Variants in OR2T35 observed in about 807,000 individuals in gnomAD.
OR2T35 encodes the protein olfactory receptor family 2 subfamily T member 35 (gene/pseudogene).
For synonymous variants in OR2T35, 18 were observed against 110.2 expected (o/e 0.16, Z 5.24); for missense variants, 47 against 278.8 (o/e 0.17, Z 5.92).
Position 248,644,792 on chromosome 1 carries a change from TTTC to T in OR2T35, c.-23+452_-23+454del, listed in dbSNP as rs1260553688. Among the ~76,000 whole-genome samples, 37 of 140,078 alleles carry T rather than the reference TTTC, an allele frequency of 2.6e-4. 2 individuals are homozygous for T. Among genetic ancestry groups the T allele is most frequent in the South Asian group, 2.2e-3 (10 of 4,542 alleles). The allele number at this position is 140,078 out of a possible 152,430, so 91.9% of individuals were successfully genotyped here. On this transcript the variant is annotated intron_variant, in intron 1 of 1. Transcript: ENST00000641268. ...CAGTGGGCTTTGGCCAGGAACTCCTTTTCTTCTTCTACCTACACAAGCTACTCC... is the reference window on the plus strand; with the variant it reads ...CAGTGGGCTTTGGCCAGGAACTCCTTTTCTTCTACCTACACAAGCTACTCC...
At chr1:248,639,304 C>T in intron 1 of OR2T35, 24 bp from the exon 2 acceptor site, 1 of 362,160 alleles carries the variant, frequency 2.8e-6, no homozygotes, top group East Asian at 4.4e-5. Flanking sequence ...AATCTGGCAG[C>T]TTATTTAACG....
In OR2T35 at chr1:248,644,997, CCT is replaced by C. The variant is rs1491453328; in HGVS notation, c.-23+248_-23+249del. Among the ~76,000 whole-genome samples, 45 of 11,824 alleles carry C rather than the reference CCT, an allele frequency of 3.8e-3. No homozygotes were observed. The Middle Eastern group carries it at 0.12, about 33-fold the overall frequency. The allele number at this position is 11,824 out of a possible 152,430, so 7.8% of individuals were successfully genotyped here. ...CTTAGTTACCACCCCCCTTTATCTG[CCT>C]ATTTAAATGGTAACTGTTTTCATTC... On this transcript the variant is annotated intron_variant, in intron 1 of 1. Transcript: ENST00000641268.
chr1:248,642,043 C>T (rs557349199), intron 1 of OR2T35, among the ~76,000 whole-genome samples: 14 of 69,804 alleles, frequency 2.0e-4, no homozygotes, highest in African/African-American at 4.5e-4. Context: ...ACATCGGTTC[C>T]GAGCATCTAC....
chr1:248,642,260 A>G (rs1660797493), intron 1 of OR2T35, among the ~76,000 whole-genome samples: 1 of 127,910 alleles, frequency 7.8e-6, no homozygotes, highest in South Asian at 2.7e-4. Context: ...AAAAGCTTTT[A>G]TTTGCGTGAT....
intron 1 of OR2T35, among the ~76,000 whole-genome samples, chr1:248,642,229 A>AAAAG (rs1553273941): frequency 1.5e-3 from 95 of 62,990 alleles, no homozygotes; most frequent in African/African-American, 2.7e-3. Context: ...AAAAAAAAAA[A>AAAAG]AAAAAAGAAA....
intron 1 of OR2T35, among the ~76,000 whole-genome samples, chr1:248,641,606 C>T (rs1333011146): frequency 1.2e-5 from 1 of 81,620 alleles, no homozygotes; most frequent in Admixed American, 1.5e-4. Context: ...TCTTATCTTA[C>T]TGTAGGATCC....
In OR2T35 at chr1:248,638,359, A is replaced by G; in HGVS notation, c.900T>C (p.Ala300=). ...CACATCTCCCTAGTACTTTCCTCAG[A>G]GCTGCAGCCACATCTTTATTCCTCA... is the stretch of plus-strand genomic sequence containing the variant. ...YSLRNKDVAA[A]LRKVLGRCGS... is the part of the protein sequence containing the mutation. Residue 300 remains alanine, a synonymous_variant, in exon 2 of 2, where the codon GCT becomes GCC. Coordinates refer to ENST00000641268, the MANE Select transcript of OR2T35 (RefSeq NM_001001827.2). 6.3e-6 allele frequency: 6 copies of G among 945,634 alleles called. No individual in the cohort carries two copies. Among genetic ancestry groups the G allele is most frequent in the Middle Eastern group, 2.1e-4 (1 of 4,832 alleles). The allele number at this position is 945,634 out of a possible 1,614,324, so 58.6% of individuals were successfully genotyped here.
At chr1:248,644,243 C>T in intron 1 of OR2T35, among the ~76,000 whole-genome samples, 1 of 33,130 alleles carries the variant, frequency 3.0e-5, no homozygotes, top group East Asian at 6.6e-4. Context: ...TGTCAGAATT[C>T]TTTACCTCAA....
chr1:248,642,252 A>G (rs2103108934), intron 1 of OR2T35, among the ~76,000 whole-genome samples: 1 of 115,940 alleles, frequency 8.6e-6, no homozygotes, highest in African/African-American at 2.5e-5. Context: ...GAAAAAGAAA[A>G]AGCTTTTATT....
At chr1:248,643,902 T>TAC (rs1358070132) in intron 1 of OR2T35, among the ~76,000 whole-genome samples, 1 of 52,092 alleles carries the variant, frequency 1.9e-5, no homozygotes, top group African/African-American at 5.0e-5. Context: ...GCAAGCACCT[T>TAC]ACAGCCTCTC....
rs1660748231 is a variant in OR2T35, at chr1:248,638,704, C to CA, written c.554dup (p.Lys186GlufsTer11). 3 of 1,333,296 alleles carry CA rather than the reference C, an allele frequency of 2.3e-6. No individual in the cohort carries two copies. Among genetic ancestry groups the CA allele is most frequent in the African/African-American group, 3.9e-5 (2 of 50,830 alleles). The allele number at this position is 1,333,296 out of a possible 1,614,324, so 82.6% of individuals were successfully genotyped here. On this transcript the variant is annotated frameshift_variant, in exon 2 of 2. Coordinates refer to ENST00000641268, the MANE Select transcript of OR2T35 (RefSeq NM_001001827.2). LOFTEE classifies it low-confidence loss of function (END_TRUNC). ...GTGACGTGTCTGTGCAAGACAACTTCAGCACGGCTGGGATCTCACAGAAAA... is the reference window on the plus strand; with the variant it reads ...GTGACGTGTCTGTGCAAGACAACTTCAAGCACGGCTGGGATCTCACAGAAAA...
rs1487675738 is a variant in OR2T35, at chr1:248,636,386, TG to T, written c.*1900del. 1.8e-4 allele frequency: 7 copies of T among 39,226 alleles called. No homozygotes were observed. The East Asian group carries it at 4.6e-3, about 26-fold the overall frequency. 2.4% of individuals were successfully genotyped at this position (39,226 alleles called of 1,614,324 possible). A position where few individuals can be genotyped will look rare whatever the true frequency, so the allele number is the denominator to read the frequency against. On this transcript the variant is annotated 3_prime_UTR_variant, in exon 2 of 2. Transcript: ENST00000641268. ...TTTTAATACATAGCAACTGAGGAAA[TG>T]GGAAAGAAAACACATATCCCAGGAT...
intron 1 of OR2T35, 143 bp downstream of exon 1, chr1:248,645,104 G>C (rs1660844174): frequency 1.0e-5 from 1 of 99,856 alleles, no homozygotes; most frequent in Non-Finnish European, 2.2e-5. Flanking sequence ...GCATAAGATA[G>C]AAGAGGTTTG....
At chr1:248,644,900 C>T (rs1221523592) in intron 1 of OR2T35, among the ~76,000 whole-genome samples, 2 of 132,978 alleles carry the variant, frequency 1.5e-5, no homozygotes, top group Non-Finnish European at 3.3e-5. Context: ...CTTCTCTCCA[C>T]AGCAACGTAG....
chr1:248,644,437 GGA>G (rs1335209307), intron 1 of OR2T35, among the ~76,000 whole-genome samples: 3 of 120,776 alleles, frequency 2.5e-5, no homozygotes, highest in Admixed American at 8.0e-5. Flanking sequence ...CGAGACTGAA[GGA>G]GAGAGGACAT....
At chr1:248,641,390 AT>A (rs1319378999) in intron 1 of OR2T35, among the ~76,000 whole-genome samples, 2 of 14,490 alleles carry the variant, frequency 1.4e-4, no homozygotes, top group Non-Finnish European at 9.8e-4. Flanking sequence ...CCTTTTAAAA[AT>A]ATACTTTGAG....
chr1:248,641,772 AGT>A lies in OR2T35; in HGVS notation c.-22-2494_-22-2493del, dbSNP rs1316050887. Among the ~76,000 whole-genome samples the A allele has an allele frequency of 2.5e-5, 2 of 81,112 alleles. 1 individual carries two copies. Among genetic ancestry groups the A allele is most frequent in the Non-Finnish European group, 6.9e-5 (2 of 28,794 alleles). 53.2% of individuals were successfully genotyped at this position (81,112 alleles called of 152,430 possible). ...TGTGTGTGTAGTGTGTTCATATGTG[AGT>A]GTGTGAGCATGGTATGTGTGGTGTG... is the stretch of plus-strand genomic sequence containing the variant. On this transcript the variant is annotated intron_variant, in intron 1 of 1. Transcript: ENST00000641268.
intron 1 of OR2T35, among the ~76,000 whole-genome samples, chr1:248,643,031 C>CA (rs768048279): frequency 7.5e-6 from 1 of 132,470 alleles, no homozygotes; most frequent in Non-Finnish European, 1.7e-5. Flanking sequence ...TGTATCATAT[C>CA]AAAAATCCTC....
At chr1:248,642,216 CAA>C (rs61189391) in intron 1 of OR2T35, among the ~76,000 whole-genome samples, 2,115 of 53,452 alleles carry the variant, frequency 0.04, 73 homozygotes, top group Middle Eastern at 0.088. Context: ...CTAGTCTTTC[CAA>C]AAAAAAAAAA....
Sources: allele counts gnomAD v4.1 joint callset (sites outside exome capture counted in the v4.1 genomes callset), GRCh38; gene constraint gnomAD v4.1.1; transcripts MANE v1.5; gene names NCBI Gene and HGNC (gene_info 2026-07-23, HGNC 2026-07-21).